Variants in PEX5L observed in about 807,000 individuals in gnomAD.
The protein encoded by PEX5L is peroxisomal biogenesis factor 5 like, also known as PEX5-related protein.
In PEX5L, 30 loss-of-function variants were observed where a neutral mutation model predicts 84.0. The observed-to-expected ratio is 0.36, with a 90% CI of 0.27 to 0.48. The LOEUF (loss-of-function observed/expected upper bound fraction) is 0.48, where lower values mean the gene tolerates loss of function less well. Ranked by LOEUF, PEX5L falls within the 20% of genes least tolerant of loss-of-function variation. The pLI is 0.99. For synonymous variants in PEX5L, 270 were observed against 283.1 expected, an observed-to-expected ratio of 0.95 and a Z score of 0.46; for missense variants, 533 against 754.6, an observed-to-expected ratio of 0.71 and a Z score of 3.44.
intron 1 of PEX5L, among the ~76,000 whole-genome samples, chr3:179,992,133 A>G (rs1399452735): frequency 6.6e-6 from 1 of 152,190 alleles, no homozygotes; most frequent in Non-Finnish European, 1.5e-5. Context: ...AAGACAGAGT[A>G]GAGACACAGA....
intron 1 of PEX5L, among the ~76,000 whole-genome samples, chr3:180,003,562 C>A (rs9855406): frequency 0.017 from 2,588 of 152,060 alleles, 83 homozygotes; most frequent in African/African-American, 0.059. Flanking sequence ...CTTATTTCAA[C>A]AATTTAATAT....
intron 1 of PEX5L, chr3:179,973,267 G>T (rs201629758): frequency 1.6e-6 from 2 of 1,288,458 alleles, no homozygotes; most frequent in Non-Finnish European, 2.0e-6. Context: ...AATTCTTTAT[G>T]CCACTGGCAG....
intron 2 of PEX5L, among the ~76,000 whole-genome samples, chr3:179,958,788 A>T (rs1254105135): frequency 6.6e-6 from 1 of 152,218 alleles, no homozygotes; most frequent in Non-Finnish European, 1.5e-5. Context: ...AAATCAAAAT[A>T]AAAAATTAAT....
chr3:179,802,932 T>C (rs1408731988), intron 14 of PEX5L, among the ~76,000 whole-genome samples: 1 of 152,198 alleles, frequency 6.6e-6, no homozygotes, highest in Non-Finnish European at 1.5e-5. Context: ...TTTAAAAACT[T>C]TGTGAGGTGC....
At chr3:179,936,962 T>A (rs559740626) in intron 2 of PEX5L, among the ~76,000 whole-genome samples, 1 of 143,872 alleles carries the variant, frequency 7.0e-6, no homozygotes, top group East Asian at 2.1e-4. Context: ...TCTAGGTATA[T>A]AAAACTATTA....
At chr3:179,882,298 C>T (rs1029864031) in intron 4 of PEX5L, among the ~76,000 whole-genome samples, 4 of 152,222 alleles carry the variant, frequency 2.6e-5, no homozygotes, top group Non-Finnish European at 5.9e-5. Context: ...ATATCTTCTT[C>T]TCACATTCAG....
intron 2 of PEX5L, among the ~76,000 whole-genome samples, chr3:179,936,059 T>G (rs942892691): frequency 1.3e-5 from 2 of 152,148 alleles, no homozygotes; most frequent in African/African-American, 4.8e-5. Flanking sequence ...AATTATCCAG[T>G]CTCAGGTATC....
intron 6 of PEX5L, among the ~76,000 whole-genome samples, chr3:179,874,738 G>GTTTT (rs3836472): frequency 1.2e-3 from 55 of 45,934 alleles, no homozygotes; most frequent in East Asian, 3.7e-3. Context: ...TTTTTTTTTT[G>GTTTT]TTTTTTTTTT....
In PEX5L at chr3:179,796,794, A is replaced by G. The variant is rs962261511; in HGVS notation, c.*5034T>C. The G allele has an allele frequency of 1.3e-5, 2 of 152,138 alleles. No homozygotes were observed. The highest frequency in any genetic ancestry group is 4.8e-5 in the African/African-American group (2 of 41,444). 9.4% of individuals were successfully genotyped at this position (152,138 alleles called of 1,614,324 possible). The stretch of plus-strand genomic sequence containing the variant: ...CCGTGAAATCACCTCATCACTCCCT[A>G]AATATCAGTGTTTTTAGACCTGTTG... On this transcript the variant is annotated 3_prime_UTR_variant, in exon 15 of 15. Transcript: ENST00000467460.
intron 2 of PEX5L, among the ~76,000 whole-genome samples, chr3:179,935,421 G>A (rs187387713): frequency 3.9e-5 from 6 of 152,086 alleles, no homozygotes; most frequent in South Asian, 2.1e-4. Context: ...TACCACGAGC[G>A]TATATATTTC....
At position 179,900,813 on chromosome 3, in the gene PEX5L, T is replaced by C. The variant is rs151317128; in HGVS notation, c.94-2567A>G. 9.3e-5 allele frequency: 83 copies of C among 888,864 alleles called. No individual in the cohort carries two copies. In the African/African-American group the frequency reaches 1.3e-3, roughly 14 times the overall value. 55.1% of individuals were successfully genotyped at this position (888,864 alleles called of 1,614,324 possible). A position where few individuals can be genotyped will look rare whatever the true frequency, so the allele number is the denominator to read the frequency against. The stretch of plus-strand genomic sequence containing the variant: ...TTACAGCCTTTTTTGGCTTTTGCGA[T>C]AATACCCCATGAGCGTCACTGTTTT... On this transcript the variant is annotated intron_variant, in intron 2 of 14. Coordinates refer to ENST00000467460, the MANE Select transcript of PEX5L (RefSeq NM_016559.3).
chr3:180,020,270 T>A (rs1415906501), intron 1 of PEX5L, among the ~76,000 whole-genome samples: 1 of 152,058 alleles, frequency 6.6e-6, no homozygotes, highest in Non-Finnish European at 1.5e-5. Context: ...CAACAAAATA[T>A]TAGAACTAAG....
At chr3:179,861,383 G>A (rs1359226760) in intron 7 of PEX5L, among the ~76,000 whole-genome samples, 1 of 152,206 alleles carries the variant, frequency 6.6e-6, no homozygotes, top group Non-Finnish European at 1.5e-5. Flanking sequence ...AGTGGCAGAG[G>A]TCTGTGCTAG....
chr3:179,818,512 A>G (rs1407136927), intron 9 of PEX5L, among the ~76,000 whole-genome samples: 1 of 152,140 alleles, frequency 6.6e-6, no homozygotes, highest in Non-Finnish European at 1.5e-5. Context: ...TAGTCACCCA[A>G]TATGCTATAA....
chr3:179,994,263 A>G (rs1490677381), intron 1 of PEX5L, among the ~76,000 whole-genome samples: 1 of 152,216 alleles, frequency 6.6e-6, no homozygotes, highest in Non-Finnish European at 1.5e-5. Context: ...TTGAAGTTTA[A>G]GCTGCTACAT....
At chr3:179,909,547 C>A (rs1423401653) in intron 2 of PEX5L, among the ~76,000 whole-genome samples, 1 of 152,110 alleles carries the variant, frequency 6.6e-6, no homozygotes, top group East Asian at 1.9e-4. Flanking sequence ...CTGAATGTAG[C>A]CACAAGCAGA....
At chr3:179,825,081 T>C (rs560262211) in intron 8 of PEX5L, among the ~76,000 whole-genome samples, 3 of 152,344 alleles carry the variant, frequency 2.0e-5, no homozygotes, top group African/African-American at 7.2e-5. Flanking sequence ...GTGTCCCATG[T>C]AGTGGTCTCA....
chr3:180,017,770 T>C (rs1790066920), intron 1 of PEX5L, among the ~76,000 whole-genome samples: 1 of 152,186 alleles, frequency 6.6e-6, no homozygotes, highest in African/African-American at 2.4e-5. Context: ...TGTAAGAAGA[T>C]AAGATGCTAA....
In PEX5L at chr3:180,034,931, T is replaced by C. The variant is rs1216324103; in HGVS notation, c.21+1648A>G. On this transcript the variant is annotated intron_variant, in intron 1 of 14. Transcript: ENST00000467460. ...CAGGCAACTCAAGTTTCAATAACATTCTCCTTTGAGATATTGAGAAAATTG... is the reference window on the plus strand; with the variant it reads ...CAGGCAACTCAAGTTTCAATAACATCCTCCTTTGAGATATTGAGAAAATTG... 3.9e-5 allele frequency among the ~76,000 whole-genome samples: 6 copies of C among 152,154 alleles called. No individual in the cohort carries two copies. The East Asian group carries it at 1.2e-3, about 29-fold the overall frequency.
Sources: gnomAD v4.1 joint callset for allele counts (sites outside exome capture counted in the v4.1 genomes callset) on GRCh38, gnomAD v4.1.1 for gene constraint, MANE v1.5 for transcripts, NCBI Gene and HGNC (gene_info 2026-07-23, HGNC 2026-07-21) for gene names.